PSD3: variants seen among roughly 807,000 people sequenced by gnomAD.
The protein encoded by PSD3 is pleckstrin and Sec7 domain containing 3, also known as PH and SEC7 domain-containing protein 3.
PSD3 carries 49 observed loss-of-function variants against 105.5 expected under a neutral mutation model. The ratio of observed to expected loss-of-function variants is 0.46; its 90% confidence interval spans 0.37 to 0.59. The LOEUF (loss-of-function observed/expected upper bound fraction) is 0.59, where lower values mean the gene tolerates loss of function less well. Ranked by LOEUF, PSD3 falls within the 20% of genes least tolerant of loss-of-function variation. The pLI, the probability that PSD3 is intolerant of heterozygous loss-of-function variation, is 0.00. For synonymous variants in PSD3, 557 were observed against 457.8 expected (o/e 1.22, Z -2.77); for missense variants, 1,561 against 1,263.8 (o/e 1.24, Z -3.57).
intron 1 of PSD3, among the ~76,000 whole-genome samples, chr8:19,079,226 C>T (rs1829563556): frequency 6.6e-6 from 1 of 152,140 alleles, no homozygotes; most frequent in East Asian, 1.9e-4. Flanking sequence ...CTATCTCAGG[C>T]TTTATTTATT....
At chr8:18,940,491 G>C (rs1000395349) in intron 1 of PSD3, 1 of 152,184 alleles carries the variant, frequency 6.6e-6, no homozygotes, top group Non-Finnish European at 1.5e-5. Flanking sequence ...GCTCGACCTA[G>C]AAGTAAAATT....
At chr8:18,764,642 T>TCAAATCATACATTTCCATAC (rs1806816737) in intron 9 of PSD3, among the ~76,000 whole-genome samples, 1 of 152,184 alleles carries the variant, frequency 6.6e-6, no homozygotes. Context: ...CATTTCCATA[T>TCAAATCATACATTTCCATAC]CATATCATAC....
chr8:18,741,941 C>T (rs1005895203), intron 9 of PSD3, among the ~76,000 whole-genome samples: 2 of 151,906 alleles, frequency 1.3e-5, no homozygotes, highest in Admixed American at 1.3e-4. Context: ...TTAAAAATAG[C>T]TGGTCAACCA....
intron 2 of PSD3, among the ~76,000 whole-genome samples, chr8:18,873,256 G>A (rs905017523): frequency 6.6e-6 from 1 of 152,088 alleles, no homozygotes; most frequent in Non-Finnish European, 1.5e-5. Flanking sequence ...CCCCTTCATT[G>A]TTGGGTTTCT....
intron 9 of PSD3, among the ~76,000 whole-genome samples, chr8:18,701,676 G>A (rs558656884): frequency 5.9e-5 from 9 of 152,262 alleles, no homozygotes; most frequent in East Asian, 1.9e-4. Context: ...ATATATACAC[G>A]TGCCTGTCAA....
intron 11 of PSD3, among the ~76,000 whole-genome samples, chr8:18,618,034 T>C (rs1805824392): frequency 6.6e-6 from 1 of 152,176 alleles, no homozygotes; most frequent in Admixed American, 6.5e-5. Flanking sequence ...TTGACATCTA[T>C]TCCCTCTGAA....
intron 2 of PSD3, among the ~76,000 whole-genome samples, chr8:18,913,072 C>T (rs1563412945): frequency 7.6e-6 from 1 of 131,508 alleles, no homozygotes; most frequent in African/African-American, 2.9e-5. Context: ...TTTATAAACA[C>T]ACACACACAC....
chr8:18,743,152 T>G (rs114028481), intron 9 of PSD3, among the ~76,000 whole-genome samples: 1 of 152,124 alleles, frequency 6.6e-6, no homozygotes, highest in African/African-American at 2.4e-5. Context: ...CCTTTGCCCT[T>G]TGAAGGTTCA....
At chr8:18,801,506 T>G in intron 6 of PSD3, 124 bp from the exon 7 acceptor site, 1 of 591,462 alleles carries the variant, frequency 1.7e-6, no homozygotes, top group Non-Finnish European at 2.9e-6. Context: ...ATTATGAAGT[T>G]ATCTCCCCCC....
At chr8:18,593,667 A>T (rs2130514495) in intron 12 of PSD3, among the ~76,000 whole-genome samples, 1 of 152,208 alleles carries the variant, frequency 6.6e-6, no homozygotes, top group Non-Finnish European at 1.5e-5. Flanking sequence ...ATAAAGACAC[A>T]TGCTCACGTA....
At chr8:19,051,665 T>A (rs947247760) in intron 1 of PSD3, among the ~76,000 whole-genome samples, 1 of 152,210 alleles carries the variant, frequency 6.6e-6, no homozygotes, top group South Asian at 2.1e-4. Context: ...TGCAGAACGA[T>A]TTGTCATTGT....
chr8:18,615,131 A>C (rs1049755815), intron 11 of PSD3, among the ~76,000 whole-genome samples: 3 of 151,964 alleles, frequency 2.0e-5, no homozygotes, highest in African/African-American at 7.3e-5. Flanking sequence ...CTTCCTCGTA[A>C]AGCAACCTTT....
chr8:18,889,177 T>C (rs1818626311), intron 2 of PSD3, among the ~76,000 whole-genome samples: 1 of 152,232 alleles, frequency 6.6e-6, no homozygotes, highest in Non-Finnish European at 1.5e-5. Flanking sequence ...TTCTCTAGTC[T>C]TTTACAGCAC....
At chr8:18,806,021 C>T (rs1280446019) in intron 4 of PSD3, among the ~76,000 whole-genome samples, 1 of 152,142 alleles carries the variant, frequency 6.6e-6, no homozygotes, top group Non-Finnish European at 1.5e-5. Context: ...AATGTTTTTC[C>T]TGGAGACTAC....
chr8:18,952,278 A>G (rs1823287926), intron 1 of PSD3, among the ~76,000 whole-genome samples: 1 of 152,178 alleles, frequency 6.6e-6, no homozygotes, highest in Non-Finnish European at 1.5e-5. Context: ...TTCTATCTTT[A>G]CATCCATAAT....
At chr8:18,652,454 A>G (rs1808564091) in intron 10 of PSD3, among the ~76,000 whole-genome samples, 1 of 147,292 alleles carries the variant, frequency 6.8e-6, no homozygotes, top group Admixed American at 6.8e-5. Context: ...ATAAATAATT[A>G]TATCCATGTA....
At chr8:18,724,098 A>G (rs1803179527) in intron 9 of PSD3, among the ~76,000 whole-genome samples, 1 of 152,206 alleles carries the variant, frequency 6.6e-6, no homozygotes, top group African/African-American at 2.4e-5. Context: ...AAAATACTAA[A>G]AAGAAGATGA....
intron 10 of PSD3, among the ~76,000 whole-genome samples, chr8:18,635,845 G>C (rs1420556884): frequency 6.6e-6 from 1 of 151,426 alleles, no homozygotes; most frequent in Admixed American, 6.6e-5. Context: ...GAGAACATTT[G>C]GACACAAGGA....
intron 1 of PSD3, among the ~76,000 whole-genome samples, chr8:19,071,002 C>A (rs1829238053): frequency 6.6e-6 from 1 of 151,992 alleles, no homozygotes; most frequent in South Asian, 2.1e-4. Flanking sequence ...GGATAACTTA[C>A]AAACTTGTGG....
Sources: allele counts gnomAD v4.1 joint callset (sites outside exome capture counted in the v4.1 genomes callset), GRCh38; gene constraint gnomAD v4.1.1; transcripts MANE v1.5; gene names NCBI Gene and HGNC (gene_info 2026-07-23, HGNC 2026-07-21).